CHD2: variants seen among roughly 807,000 people sequenced by gnomAD.
CHD2 encodes chromodomain helicase DNA binding protein 2, also known as ATP-dependent chromatin remodeler CHD2.
CHD2 carries 28 observed loss-of-function variants against 243.9 expected under a neutral mutation model. The ratio of observed to expected loss-of-function variants is 0.11; its 90% CI spans 0.09 to 0.16. The LOEUF is 0.16. Among genes scored for constraint, CHD2 ranks in the 10% least tolerant of loss-of-function variants. The pLI, the probability that CHD2 is intolerant of heterozygous loss-of-function variation, is 1.00. For synonymous variants in CHD2, 775 were observed against 779.0 expected (o/e 0.99, Z 0.09); for missense variants, 1,386 against 2,209.8 (o/e 0.63, Z 7.47).
intron 2 of CHD2, among the ~76,000 whole-genome samples, chr15:92,909,695 C>A (rs1419613519): frequency 6.6e-6 from 1 of 152,234 alleles, no homozygotes; most frequent in East Asian, 1.9e-4. Flanking sequence ...TGTACCACCC[C>A]ACCTGTCTAA....
intron 16 of CHD2, among the ~76,000 whole-genome samples, chr15:92,960,218 CTGTGTGTGTA>C (rs777979890): frequency 5.9e-5 from 9 of 152,098 alleles, no homozygotes; most frequent in Non-Finnish European, 8.8e-5. Context: ...CTGTTTTCTA[CTGTGTGTGTA>C]TGTGTGTGTA....
chr15:92,900,674 T>C lies in CHD2; in HGVS notation c.-222T>C, dbSNP rs2052516338. 2 of 398,558 alleles carry C rather than the reference T, an allele frequency of 5.0e-6. No individual in the cohort carries two copies. The highest frequency in any genetic ancestry group is 8.8e-6 in the Non-Finnish European group (2 of 226,160). 24.7% of individuals were successfully genotyped at this position (398,558 alleles called of 1,614,324 possible). On this transcript the variant is annotated 5_prime_UTR_variant, in exon 1 of 39. Coordinates refer to ENST00000394196, the MANE Select transcript of CHD2 (RefSeq NM_001271.4). ...CCTGTTTTAGTATTAATTATTGCTTTATTTTTTTGACCAGTTAACATATTT... is the reference window on the plus strand; with the variant it reads ...CCTGTTTTAGTATTAATTATTGCTTCATTTTTTTGACCAGTTAACATATTT...
At chr15:92,941,566 C>T (rs898906357) in intron 7 of CHD2, among the ~76,000 whole-genome samples, 1 of 151,890 alleles carries the variant, frequency 6.6e-6, no homozygotes, top group Non-Finnish European at 1.5e-5. Context: ...TTTTCTATAT[C>T]TTGCTTATAC....
Position 93,024,587 on chromosome 15 carries a change from C to A in CHD2, c.5369C>A (p.Pro1790His), listed in dbSNP as rs750493919. 24 of 1,614,204 alleles carry A rather than the reference C, an allele frequency of 1.5e-5. No homozygotes were observed. Among genetic ancestry groups the A allele is most frequent in the Non-Finnish European group, 1.9e-5 (22 of 1,180,044 alleles). Residue 1790 changes from proline (P) to histidine (H), a missense_variant, in exon 39 of 39, where the codon CCC becomes CAC. Pro to His is a moderately conservative substitution (Grantham distance 77, BLOSUM62 -2). This residue lies in a region of CHD2 where 347 missense variants were observed against 341.6 expected (regional missense o/e 1.02). Coordinates refer to ENST00000394196, the MANE Select transcript of CHD2 (RefSeq NM_001271.4). ...CCTGCAGTCTCAGATCCTCGCTCAC[C>A]CCCTTCTCAGAAATCTCCTCACGAT... ...LHPAVSDPRS[P>H]PSQKSPHDSK...
chr15:92,975,085 C>G, intron 20 of CHD2, 135 bp downstream of exon 20: 2 of 657,658 alleles, frequency 3.0e-6, no homozygotes, highest in Non-Finnish European at 5.1e-6. Context: ...AATGAGAAAT[C>G]TCTCATATAA....
At chr15:92,941,063 G>A (rs865880953) in intron 7 of CHD2, among the ~76,000 whole-genome samples, 4 of 147,038 alleles carry the variant, frequency 2.7e-5, no homozygotes, top group East Asian at 2.0e-4. Context: ...GTGCAGTGGC[G>A]CGATCTTGGA....
chr15:93,003,412 C>G (rs16947324), intron 33 of CHD2, among the ~76,000 whole-genome samples: 4,705 of 151,988 alleles, frequency 0.031, 222 homozygotes, highest in African/African-American at 0.1. Flanking sequence ...ATAGACCATA[C>G]TGTGATAAAT....
intron 4 of CHD2, among the ~76,000 whole-genome samples, chr15:92,927,645 A>C (rs569592810): frequency 6.6e-6 from 1 of 152,356 alleles, no homozygotes; most frequent in East Asian, 1.9e-4. Flanking sequence ...TTACCTTTTT[A>C]AGCCCCTAAC....
intron 20 of CHD2, among the ~76,000 whole-genome samples, chr15:92,976,153 A>T (rs12907579): frequency 0.2 from 30,435 of 152,152 alleles, 3,808 homozygotes; most frequent in Middle Eastern, 0.3. Context: ...TTTAAAAAAT[A>T]GTATGAGTCG....
intron 33 of CHD2, among the ~76,000 whole-genome samples, chr15:93,003,607 G>A (rs1423787992): frequency 6.6e-6 from 1 of 150,416 alleles, no homozygotes; most frequent in Non-Finnish European, 1.5e-5. Context: ...GGGCCAGGCG[G>A]GGGGAGACGC....
intron 24 of CHD2, among the ~76,000 whole-genome samples, chr15:92,984,022 A>G (rs551195409): frequency 6.6e-6 from 1 of 152,310 alleles, no homozygotes; most frequent in South Asian, 2.1e-4. Context: ...CATTAGTATT[A>G]TATTTATTAG....
At chr15:92,964,564 A>G (rs968455612) in intron 16 of CHD2, among the ~76,000 whole-genome samples, 5 of 152,348 alleles carry the variant, frequency 3.3e-5, no homozygotes, top group Middle Eastern at 3.4e-3. Flanking sequence ...TATTGTTTCA[A>G]AATCCAAAAG....
At chr15:92,911,400 A>G (rs543783768) in intron 2 of CHD2, among the ~76,000 whole-genome samples, 3 of 152,342 alleles carry the variant, frequency 2.0e-5, no homozygotes, top group African/African-American at 7.2e-5. Flanking sequence ...TGACTCCAGC[A>G]TTGATTAAGC....
At chr15:92,972,465 C>T (rs374981618) in intron 19 of CHD2, 48 bp downstream of exon 19, 14 of 1,496,096 alleles carry the variant, frequency 9.4e-6, no homozygotes, top group Admixed American at 2.2e-5. Context: ...TCTCTCTCTC[C>T]GCCTCCCCTC....
chr15:92,993,036 G>A (rs377303989), intron 28 of CHD2, 38 bp downstream of exon 28: 15 of 1,609,158 alleles, frequency 9.3e-6, no homozygotes, highest in Middle Eastern at 2.1e-4. Context: ...TCGCAACCTG[G>A]CACTCTTGGA....
intron 37 of CHD2, among the ~76,000 whole-genome samples, chr15:93,019,703 G>A (rs1195639232): frequency 6.6e-6 from 1 of 152,182 alleles, no homozygotes; most frequent in Non-Finnish European, 1.5e-5. Context: ...GGAAGCTGAG[G>A]CGGGCGGATC....
chr15:93,016,515 A>G (rs2054462250), intron 37 of CHD2, among the ~76,000 whole-genome samples: 1 of 152,252 alleles, frequency 6.6e-6, no homozygotes, highest in South Asian at 2.1e-4. Context: ...GAGCCATTCC[A>G]TAATGTATAT....
intron 5 of CHD2, among the ~76,000 whole-genome samples, chr15:92,929,299 G>A (rs1331662527): frequency 1.2e-4 from 19 of 152,072 alleles, no homozygotes; most frequent in Non-Finnish European, 2.4e-4. Flanking sequence ...ACACATGGAA[G>A]GGGTCCACGT....
intron 16 of CHD2, among the ~76,000 whole-genome samples, chr15:92,966,369 T>G (rs763426947): frequency 6.6e-6 from 1 of 152,154 alleles, no homozygotes; most frequent in Non-Finnish European, 1.5e-5. Flanking sequence ...CAGCCAGAGA[T>G]AGTTCAATTT....
Sources: allele counts gnomAD v4.1 joint callset (sites outside exome capture counted in the v4.1 genomes callset), GRCh38; gene constraint gnomAD v4.1.1; regional missense constraint gnomAD v4.1.1; transcripts MANE v1.5; gene names NCBI Gene and HGNC (gene_info 2026-07-23, HGNC 2026-07-21).